Variants in JMY observed in about 807,000 individuals in gnomAD.
JMY encodes the protein junction-mediating and -regulatory protein.
A neutral mutation model predicts 103.3 loss-of-function variants in JMY; 46 were observed. The observed-to-expected ratio is 0.45, with a 90% CI of 0.35 to 0.57. The LOEUF is 0.57. JMY is among the 20% of genes least tolerant of loss of function. JMY has a pLI of 0.00. For missense variants in JMY, 1,238 were observed against 1,255.2 expected (o/e 0.99, Z 0.21); for synonymous variants, 526 against 489.3 (o/e 1.07, Z -0.99).
In JMY at chr5:79,237,378, A is replaced by G. The variant is rs757537655; in HGVS notation, c.728A>G (p.Gln243Arg). 9.9e-6 allele frequency: 16 copies of G among 1,613,016 alleles called. No homozygotes were observed. The highest frequency in any genetic ancestry group is 1.6e-4 in the Middle Eastern group (1 of 6,084). The change falls in exon 1 of 11, where the codon CAG becomes CGG. Residue 243 changes from glutamine to arginine, a missense_variant. Coordinates refer to ENST00000396137, the MANE Select transcript of JMY (RefSeq NM_152405.5). ...TTCCAGGACCTGCGCGCCGTGCACC[A>G]GCAGCTGTGCTCGGTGAACTCGCAG... ...FSFQDLRAVH[Q>R]QLCSVNSQLE...
intron 1 of JMY, among the ~76,000 whole-genome samples, chr5:79,272,267 T>A (rs1245895815): frequency 2.0e-5 from 3 of 152,188 alleles, no homozygotes; most frequent in Non-Finnish European, 4.4e-5. Flanking sequence ...AATATTTATC[T>A]CTTCTAGGCA....
chr5:79,239,837 AAG>A (rs985619582), intron 1 of JMY, among the ~76,000 whole-genome samples: 2 of 151,448 alleles, frequency 1.3e-5, no homozygotes, highest in Admixed American at 6.6e-5. Flanking sequence ...GAAAAAGAAA[AAG>A]AGAAAAAGCG....
At chr5:79,271,303 G>A (rs1046225334) in intron 1 of JMY, among the ~76,000 whole-genome samples, 2 of 151,924 alleles carry the variant, frequency 1.3e-5, no homozygotes, top group Non-Finnish European at 2.9e-5. Context: ...AAGTGCTGGG[G>A]TTACAGGTGC....
rs563670530 is a variant in JMY, at chr5:79,244,793, A to G, written c.1032+7111A>G. Among the ~76,000 whole-genome samples, 67 of 151,702 alleles carry G rather than the reference A, an allele frequency of 4.4e-4. 1 individual carries two copies. Among genetic ancestry groups the G allele is most frequent in the Admixed American group, 1.2e-3 (18 of 15,216 alleles). On this transcript the variant is annotated intron_variant, in intron 1 of 10. Coordinates refer to ENST00000396137, the MANE Select transcript of JMY (RefSeq NM_152405.5). ...AAATTAAGTTCCAAGTGTAAGAGAC[A>G]TAGGCACTGAAAACTAAATAATAGT... is the stretch of plus-strand genomic sequence containing the variant.
At chr5:79,274,395 TG>T (rs75809671) in intron 1 of JMY, among the ~76,000 whole-genome samples, 6,285 of 136,508 alleles carry the variant, frequency 0.046, 141 homozygotes, top group African/African-American at 0.055. Flanking sequence ...TTAAAAATAG[TG>T]TTTTTTTTTG....
chr5:79,270,676 T>C (rs1024878094), intron 1 of JMY, among the ~76,000 whole-genome samples: 2 of 123,516 alleles, frequency 1.6e-5, no homozygotes, highest in African/African-American at 6.1e-5. Flanking sequence ...AAATATAAAA[T>C]ATATTTATAT....
rs1016645547 is a variant in JMY, at chr5:79,237,273, T to G, written c.623T>G (p.Leu208Arg). The G allele has an allele frequency of 6.4e-7, 1 of 1,552,490 alleles. No homozygotes were observed. Among genetic ancestry groups the G allele is most frequent in the Middle Eastern group, 1.7e-4 (1 of 5,992 alleles). The change falls in exon 1 of 11, where the codon CTC becomes CGC. Residue 208 changes from leucine (L) to arginine (R), a missense_variant. Physicochemically the swap from Leu to Arg is moderately radical, Grantham distance 102. Transcript: ENST00000396137. ...AAGGAGGACGAGGCACCTCTGGCGCTCTCGGACGCGGAGCAGCCGCCGCCC... is the reference window on the plus strand; with the variant it reads ...AAGGAGGACGAGGCACCTCTGGCGCGCTCGGACGCGGAGCAGCCGCCGCCC... ...MVKEDEAPLA[L>R]SDAEQPPPAT...
chr5:79,263,101 T>C (rs1182406025), intron 1 of JMY, among the ~76,000 whole-genome samples: 1 of 152,220 alleles, frequency 6.6e-6, no homozygotes, highest in African/African-American at 2.4e-5. Flanking sequence ...TTGAAAGATG[T>C]TGGCACCATT....
chr5:79,305,874 A>G (rs1032971475), intron 6 of JMY, among the ~76,000 whole-genome samples: 3 of 152,136 alleles, frequency 2.0e-5, no homozygotes, highest in Non-Finnish European at 2.9e-5. Flanking sequence ...ATACTTTCAT[A>G]TTCTTTTTTG....
rs1199620549 is a variant in JMY, at chr5:79,316,227, G to A, written c.2887G>A (p.Ala963Thr). Residue 963 changes from alanine to threonine, a missense_variant, in exon 10 of 11, where the codon GCT becomes ACT. Transcript: ENST00000396137. The stretch of plus-strand genomic sequence containing the variant: ...CCCTCTAACACGGAGCATCCATGAA[G>A]CTCTTAGAAGAATTAAAGAAGCATC... Reference protein sequence around the residue: ...TDPLTRSIHEALRRIKEASPE... With the variant: ...TDPLTRSIHETLRRIKEASPE... 6.2e-6 allele frequency: 10 copies of A among 1,613,964 alleles called. No individual in the cohort carries two copies. Among genetic ancestry groups the A allele is most frequent in the Admixed American group, 1.7e-5 (1 of 59,996 alleles).
chr5:79,242,425 A>G (rs968798639), intron 1 of JMY, among the ~76,000 whole-genome samples: 2 of 152,166 alleles, frequency 1.3e-5, no homozygotes, highest in African/African-American at 4.8e-5. Context: ...CCCTTTTTTC[A>G]TGTAACAAGG....
chr5:79,318,761 TAGAGAGAGAGAGAGAGAG>T (rs3081332), intron 10 of JMY, among the ~76,000 whole-genome samples: 2 of 53,612 alleles, frequency 3.7e-5, no homozygotes, highest in Non-Finnish European at 6.5e-5. Flanking sequence ...TATATATATA[TAGAGAGAGAGAGAGAGAG>T]AGAGAGAGAG....
At chr5:79,238,465 AATGTGTAATTC>A (rs1409131645) in intron 1 of JMY, among the ~76,000 whole-genome samples, 2 of 152,142 alleles carry the variant, frequency 1.3e-5, no homozygotes, top group Non-Finnish European at 2.9e-5. Flanking sequence ...ATGTGTAGGA[AATGTGTAATTC>A]ATGCCTGCTC....
rs1230557884 is a variant in JMY, at chr5:79,298,164, G to A, written c.1528-1989G>A. 2.0e-5 allele frequency among the ~76,000 whole-genome samples: 3 copies of A among 152,112 alleles called. No individual in the cohort carries two copies. In the East Asian group the frequency reaches 5.8e-4, roughly 29 times the overall value. ...GTAGCAGAAAATGGTCACTTAGTTG[G>A]GTAGAACCAGAGTAGTGAAAATGAA... On this transcript the variant is annotated intron_variant, in intron 4 of 10. Coordinates refer to ENST00000396137, the MANE Select transcript of JMY (RefSeq NM_152405.5).
In JMY at chr5:79,300,675, G is replaced by A; in HGVS notation, c.1694-1G>A. 1 of 1,587,268 alleles carries A rather than the reference G, an allele frequency of 6.3e-7. No homozygotes were observed. Among genetic ancestry groups the A allele is most frequent in the Non-Finnish European group, 8.5e-7 (1 of 1,172,274 alleles). ...TACTCTTTTTTGCTGTTCTGTAACA[G>A]AAAAAAGAGATGAAGTGGTATACTA... On this transcript the variant is annotated splice_acceptor_variant, in intron 5 of 10. Coordinates refer to ENST00000396137, the MANE Select transcript of JMY (RefSeq NM_152405.5). LOFTEE classifies it high-confidence loss of function.
At chr5:79,270,349 C>T (rs1458573331) in intron 1 of JMY, among the ~76,000 whole-genome samples, 7 of 133,596 alleles carry the variant, frequency 5.2e-5, no homozygotes, top group East Asian at 2.1e-4. Flanking sequence ...TATATATTTA[C>T]ATAAATATTT....
chr5:79,243,932 T>C (rs1744813416), intron 1 of JMY, among the ~76,000 whole-genome samples: 1 of 152,066 alleles, frequency 6.6e-6, no homozygotes, highest in Non-Finnish European at 1.5e-5. Flanking sequence ...ATTTGTGTAA[T>C]GGTTTCTCTG....
intron 1 of JMY, among the ~76,000 whole-genome samples, chr5:79,246,007 G>A (rs1744889083): frequency 6.6e-6 from 1 of 152,114 alleles, no homozygotes; most frequent in Admixed American, 6.6e-5. Flanking sequence ...TTTAGGCTTT[G>A]AGAAAGCCTA....
Position 79,258,566 on chromosome 5 carries a change from G to A in JMY, c.1033-19344G>A, listed in dbSNP as rs114787411. 9.4e-3 allele frequency among the ~76,000 whole-genome samples: 1,436 copies of A among 152,246 alleles called. 26 individuals carry two copies. The highest frequency in any genetic ancestry group is 0.033 in the African/African-American group (1,365 of 41,542). ...AGCGGTGAGGGGTGTGTTAGTGAGC[G>A]TGGGGTCTGGCCACTGCATACAACC... On this transcript the variant is annotated intron_variant, in intron 1 of 10. Coordinates refer to ENST00000396137, the MANE Select transcript of JMY (RefSeq NM_152405.5).
Sources: gnomAD v4.1 joint callset for allele counts (sites outside exome capture counted in the v4.1 genomes callset) on GRCh38, gnomAD v4.1.1 for gene constraint, MANE v1.5 for transcripts, NCBI Gene and HGNC (gene_info 2026-07-23, HGNC 2026-07-21) for gene names.